ABCB11: variants seen among roughly 807,000 people sequenced by gnomAD.
ABCB11 encodes ATP binding cassette subfamily B member 11.
Under a neutral mutation model 148.0 loss-of-function variants are expected in ABCB11, and 95 were observed. The observed-to-expected ratio is 0.64, with a 90% CI of 0.54 to 0.76. The LOEUF (loss-of-function observed/expected upper bound fraction) is 0.76, where lower values mean the gene tolerates loss of function less well. Ranked by LOEUF, ABCB11 falls within the 30% of genes least tolerant of loss-of-function variation. The probability of loss-of-function intolerance (pLI) is 0.00; values close to 1 mark genes in which losing one functional copy is unlikely to be tolerated. For synonymous variants in ABCB11, 591 were observed against 555.4 expected (o/e 1.06, Z -0.90); for missense variants, 1,523 against 1,617.8 (o/e 0.94, Z 1.01).
intron 5 of ABCB11, among the ~76,000 whole-genome samples, chr2:169,000,548 ATTG>A (rs1361907839): frequency 1.3e-5 from 2 of 151,958 alleles, no homozygotes; most frequent in African/African-American, 4.8e-5. Context: ...CCCCCACTGA[ATTG>A]TTTTTCCACT....
intron 9 of ABCB11, 50 bp from the exon 10 acceptor site, chr2:168,986,334 A>G (rs1694324282): frequency 6.6e-7 from 1 of 1,513,492 alleles, no homozygotes; most frequent in Admixed American, 1.7e-5. Flanking sequence ...AGCTCAAGTT[A>G]TAATGTTTAA....
rs890389399 is a variant in ABCB11, at chr2:168,921,147, G to T, written c.*2475C>A. The stretch of plus-strand genomic sequence containing the variant: ...TTTACTCTGCAACTTACTCGTCATT[G>T]CCATTTTTCATAACCAGAATGCATT... On this transcript the variant is annotated 3_prime_UTR_variant, in exon 28 of 28. Transcript: ENST00000650372. Among the ~76,000 whole-genome samples, 49 of 152,268 alleles carry T rather than the reference G, an allele frequency of 3.2e-4. No homozygotes were observed. Among genetic ancestry groups the T allele is most frequent in the Admixed American group, 2.4e-3 (37 of 15,302 alleles).
At chr2:168,968,139 A>T (rs1364175653) in intron 17 of ABCB11, among the ~76,000 whole-genome samples, 1 of 138,680 alleles carries the variant, frequency 7.2e-6, no homozygotes, top group African/African-American at 2.9e-5. Context: ...GATTTTTTTT[A>T]AAAGAAGTCC....
downstream of ABCB11, among the ~76,000 whole-genome samples, chr2:168,920,518 T>G (rs1691041995): frequency 6.6e-6 from 1 of 150,904 alleles, no homozygotes; most frequent in Non-Finnish European, 1.5e-5. Flanking sequence ...TCAGAGAAAT[T>G]TCCCCAACTT....
intron 4 of ABCB11, among the ~76,000 whole-genome samples, chr2:169,013,832 T>C (rs868868386): frequency 6.6e-6 from 1 of 152,176 alleles, no homozygotes; most frequent in Non-Finnish European, 1.5e-5. Context: ...ATCACTGTCA[T>C]TGATGCCATT....
intron 23 of ABCB11, among the ~76,000 whole-genome samples, chr2:168,933,968 G>T (rs1042650437): frequency 1.3e-5 from 2 of 152,108 alleles, no homozygotes; most frequent in African/African-American, 4.8e-5. Context: ...GGCCAGGCTG[G>T]TCTTGAACTC....
intron 12 of ABCB11, among the ~76,000 whole-genome samples, chr2:168,974,927 C>T (rs942565056): frequency 1.4e-5 from 2 of 148,128 alleles, no homozygotes; most frequent in Admixed American, 1.4e-4. Flanking sequence ...TATATATTTA[C>T]TTATGTTTTA....
chr2:168,955,645 C>T lies in ABCB11; in HGVS notation c.2343+2319G>A, dbSNP rs1248013896. On this transcript the variant is annotated intron_variant, in intron 19 of 27. Coordinates refer to ENST00000650372, the MANE Select transcript of ABCB11 (RefSeq NM_003742.4). Reference sequence around the variant, plus strand: ...AAACCATATCATTCCGCCCCTGACCCCTCCAAAAACTCATGTCCTTCTTAC... The same window carrying T: ...AAACCATATCATTCCGCCCCTGACCTCTCCAAAAACTCATGTCCTTCTTAC... Among the ~76,000 whole-genome samples the T allele has an allele frequency of 4.0e-5, 6 of 151,476 alleles. No homozygotes were observed. The South Asian group carries it at 8.3e-4, about 21-fold the overall frequency.
intron 18 of ABCB11, among the ~76,000 whole-genome samples, chr2:168,960,256 A>G (rs571632413): frequency 6.6e-6 from 1 of 151,814 alleles, no homozygotes; most frequent in Admixed American, 6.6e-5. Context: ...TGAGAACTCC[A>G]AGGCTCCTCT....
intron 18 of ABCB11, among the ~76,000 whole-genome samples, chr2:168,958,968 T>A (rs1037704333): frequency 6.6e-6 from 1 of 151,836 alleles, no homozygotes. Flanking sequence ...TTAAAAGCTT[T>A]TCTATTGACA....
chr2:168,982,293 A>C (rs1694158392), intron 10 of ABCB11, among the ~76,000 whole-genome samples: 1 of 152,090 alleles, frequency 6.6e-6, no homozygotes, highest in South Asian at 2.1e-4. Context: ...ATATTTCTTG[A>C]CTTCATGGCT....
chr2:168,961,441 T>C (rs1277878697), intron 18 of ABCB11, among the ~76,000 whole-genome samples: 16 of 151,704 alleles, frequency 1.1e-4, no homozygotes, highest in Admixed American at 1.1e-3. Context: ...TTTTTATGGG[T>C]CCCATCTCTG....
intron 7 of ABCB11, among the ~76,000 whole-genome samples, chr2:168,994,089 C>G (rs1399703514): frequency 6.6e-6 from 1 of 152,020 alleles, no homozygotes; most frequent in African/African-American, 2.4e-5. Flanking sequence ...CAATTTTGTT[C>G]TTAATCTAGG....
At chr2:168,982,197 C>T (rs1694156457) in intron 10 of ABCB11, among the ~76,000 whole-genome samples, 1 of 152,008 alleles carries the variant, frequency 6.6e-6, no homozygotes, top group Non-Finnish European at 1.5e-5. Context: ...GTCCATGGCC[C>T]CTGGGAAGAC....
At chr2:168,927,984 A>G (rs1023205796) in intron 25 of ABCB11, among the ~76,000 whole-genome samples, 1 of 152,234 alleles carries the variant, frequency 6.6e-6, no homozygotes, top group East Asian at 1.9e-4. Context: ...TAGGCAGTTA[A>G]GTCCAGGTAC....
chr2:169,022,856 AT>A (rs1695575425), intron 1 of ABCB11, among the ~76,000 whole-genome samples: 1 of 152,098 alleles, frequency 6.6e-6, no homozygotes. Flanking sequence ...GAATGCAATG[AT>A]TATTTAAGGT....
At chr2:168,945,214 G>T (rs1419054939) in intron 19 of ABCB11, among the ~76,000 whole-genome samples, 2 of 151,644 alleles carry the variant, frequency 1.3e-5, no homozygotes, top group Admixed American at 6.6e-5. Context: ...ATGCGTGTAG[G>T]GTGGTAGGGG....
At chr2:169,012,557 T>G (rs569103821) in intron 5 of ABCB11, among the ~76,000 whole-genome samples, 119 of 151,912 alleles carry the variant, frequency 7.8e-4, no homozygotes, top group Middle Eastern at 6.8e-3. Context: ...CTGTCCAAAA[T>G]GGTGAAACCC....
chr2:169,022,727 CAAAG>C (rs1051035340), intron 1 of ABCB11, among the ~76,000 whole-genome samples: 10 of 151,562 alleles, frequency 6.6e-5, no homozygotes, highest in African/African-American at 2.2e-4. Flanking sequence ...GACATCAAAA[CAAAG>C]AAGGATAAAA....
Sources: gnomAD v4.1 joint callset for allele counts (sites outside exome capture counted in the v4.1 genomes callset) on GRCh38, gnomAD v4.1.1 for gene constraint, MANE v1.5 for transcripts, NCBI Gene and HGNC (gene_info 2026-07-23, HGNC 2026-07-21) for gene names.